Variants in ACTR3C observed in about 807,000 individuals in gnomAD.
ACTR3C encodes actin-related protein 3C.
Under a neutral mutation model 26.3 loss-of-function variants are expected in ACTR3C, and 18 were observed. The ratio of observed to expected loss-of-function variants is 0.68; its 90% CI spans 0.47 to 1.01. ACTR3C has a LOEUF of 1.01. ACTR3C is among the 50% of genes least tolerant of loss of function. The pLI is 0.00. For synonymous variants in ACTR3C, 55 were observed against 94.5 expected, an observed-to-expected ratio of 0.58 and a Z score of 2.42; for missense variants, 184 against 250.7, an observed-to-expected ratio of 0.73 and a Z score of 1.80.
At chr7:150,051,815 G>A in the ACTR3C span, among the ~76,000 whole-genome samples, 1 of 151,700 alleles carries the variant, frequency 6.6e-6, no homozygotes, top group Non-Finnish European at 1.5e-5. Context: ...TTTTTAAAAT[G>A]ACAATGAAGG....
chr7:150,271,685 CT>C (rs1834463980), intron 6 of ACTR3C, among the ~76,000 whole-genome samples: 1 of 143,878 alleles, frequency 7.0e-6, no homozygotes, highest in South Asian at 2.2e-4. Context: ...ATTTATAGTC[CT>C]TTGGGTATAT....
At chr7:150,277,537 C>G (rs1454011089) in intron 6 of ACTR3C, among the ~76,000 whole-genome samples, 1 of 152,146 alleles carries the variant, frequency 6.6e-6, no homozygotes. Flanking sequence ...CTATGTCTGG[C>G]CCAGACCTGC....
the ACTR3C span, among the ~76,000 whole-genome samples, chr7:150,112,533 C>A: frequency 2.0e-5 from 3 of 152,272 alleles, no homozygotes; most frequent in East Asian, 5.8e-4. Context: ...CGGAGCTCCG[C>A]GGACTGGTCC....
At chr7:150,121,213 T>C in the ACTR3C span, among the ~76,000 whole-genome samples, 1 of 152,242 alleles carries the variant, frequency 6.6e-6, no homozygotes, top group Admixed American at 6.5e-5. Flanking sequence ...CAACATAGTA[T>C]TGGGAGTTCT....
At chr7:149,892,211 C>G in the ACTR3C span, 5 of 1,326,314 alleles carry the variant, frequency 3.8e-6, no homozygotes, top group Non-Finnish European at 5.1e-6. Flanking sequence ...TCTAGATGAC[C>G]ATTTTGCATT....
the ACTR3C span, among the ~76,000 whole-genome samples, chr7:150,025,167 T>C: frequency 6.7e-6 from 1 of 149,080 alleles, no homozygotes; most frequent in Non-Finnish European, 1.5e-5. Flanking sequence ...TTTTCCCTTA[T>C]GTAATAATTT....
the ACTR3C span, among the ~76,000 whole-genome samples, chr7:150,187,435 A>C: frequency 0.016 from 2,395 of 151,444 alleles, 71 homozygotes; most frequent in African/African-American, 0.055. Context: ...CAGTTATCAA[A>C]GCCAAGAAAT....
chr7:150,223,436 G>C, the ACTR3C span, among the ~76,000 whole-genome samples: 1 of 152,004 alleles, frequency 6.6e-6, no homozygotes, highest in East Asian at 1.9e-4. Flanking sequence ...GTATTGATAT[G>C]TGGAAGTGGA....
intron 6 of ACTR3C, among the ~76,000 whole-genome samples, chr7:150,273,964 C>T (rs1351561736): frequency 3.3e-5 from 5 of 152,186 alleles, no homozygotes; most frequent in Non-Finnish European, 5.9e-5. Context: ...CTGAGCACCT[C>T]GCATGGGCCA....
chr7:149,961,370 A>C, the ACTR3C span, among the ~76,000 whole-genome samples: 4 of 151,970 alleles, frequency 2.6e-5, no homozygotes, highest in Non-Finnish European at 4.4e-5. Flanking sequence ...GGAAGTTTAC[A>C]GATAGGAAGT....
At chr7:150,216,521 T>C in the ACTR3C span, among the ~76,000 whole-genome samples, 10 of 152,344 alleles carry the variant, frequency 6.6e-5, no homozygotes, top group Non-Finnish European at 1.5e-4. Flanking sequence ...CCTGAGTAGA[T>C]AGGACCTCAG....
the ACTR3C span, among the ~76,000 whole-genome samples, chr7:150,195,586 A>G: frequency 2.0e-5 from 3 of 151,710 alleles, no homozygotes; most frequent in African/African-American, 7.3e-5. Flanking sequence ...CAAAAAGATC[A>G]CTTCAGGGGG....
the ACTR3C span, among the ~76,000 whole-genome samples, chr7:150,169,594 G>C: frequency 6.6e-6 from 1 of 150,470 alleles, no homozygotes; most frequent in African/African-American, 2.5e-5. Flanking sequence ...CCAGTCTGTG[G>C]TAGTTGGTTA....
intron 2 of ACTR3C, among the ~76,000 whole-genome samples, chr7:150,293,872 G>A (rs938635126): frequency 1.3e-4 from 20 of 152,170 alleles, no homozygotes; most frequent in Admixed American, 1.1e-3. Context: ...GAAGGTCGCA[G>A]CTAGAGTGAG....
the ACTR3C span, among the ~76,000 whole-genome samples, chr7:150,189,405 G>A: frequency 4.7e-5 from 7 of 149,142 alleles, no homozygotes; most frequent in South Asian, 2.1e-4. Flanking sequence ...GTGTGTGCAC[G>A]TTAAGTTACA....
At chr7:150,093,295 A>G in the ACTR3C span, among the ~76,000 whole-genome samples, 3,133 of 151,176 alleles carry the variant, frequency 0.021, 278 homozygotes, top group African/African-American at 0.073. Context: ...GTGCATTTTT[A>G]ATGCTTGATC....
the ACTR3C span, among the ~76,000 whole-genome samples, chr7:150,110,733 G>A: frequency 6.8e-6 from 1 of 148,098 alleles, no homozygotes; most frequent in Non-Finnish European, 1.5e-5. Context: ...GGGCTTAGAA[G>A]GGCCAGAGCC....
chr7:149,966,522 A>G, the ACTR3C span, among the ~76,000 whole-genome samples: 1 of 152,202 alleles, frequency 6.6e-6, no homozygotes, highest in Non-Finnish European at 1.5e-5. Context: ...ACATAGCATT[A>G]CCCTATGAAA....
At chr7:149,898,024 T>TA in the ACTR3C span, among the ~76,000 whole-genome samples, 1 of 152,196 alleles carries the variant, frequency 6.6e-6, no homozygotes, top group Non-Finnish European at 1.5e-5. Context: ...CTGCCACATT[T>TA]AAAGTCTCAA....
Sources: allele counts gnomAD v4.1 joint callset (sites outside exome capture counted in the v4.1 genomes callset), GRCh38; gene constraint gnomAD v4.1.1; transcripts MANE v1.5; gene names NCBI Gene and HGNC (gene_info 2026-07-23, HGNC 2026-07-21).